MAST2: variants seen among roughly 807,000 people sequenced by gnomAD.
MAST2 encodes the protein microtubule-associated serine/threonine-protein kinase 2.
Under a neutral mutation model 147.4 loss-of-function variants are expected in MAST2, and 70 were observed. The observed-to-expected ratio is 0.47, with a 90% CI of 0.39 to 0.58. The LOEUF (loss-of-function observed/expected upper bound fraction) is 0.58. Among genes scored for constraint, MAST2 ranks in the 20% least tolerant of loss-of-function variants. The pLI, the probability that MAST2 is intolerant of heterozygous loss-of-function variation, is 0.00. For synonymous variants in MAST2, 869 were observed against 896.8 expected (o/e 0.97, Z 0.55); for missense variants, 2,080 against 2,302.3 (o/e 0.90, Z 1.98).
At chr1:45,875,711 T>G (rs1430533254) in intron 3 of MAST2, among the ~76,000 whole-genome samples, 1 of 151,158 alleles carries the variant, frequency 6.6e-6, no homozygotes, top group Non-Finnish European at 1.5e-5. Context: ...ATGTAGAGAG[T>G]GAGAGAAAGT....
At position 45,861,612 on chromosome 1, in the gene MAST2, A is replaced by G. The variant is rs60732053; in HGVS notation, c.469-20752A>G. 4.1e-3 allele frequency among the ~76,000 whole-genome samples: 628 copies of G among 151,542 alleles called. 19 individuals carry two copies. In the East Asian group the frequency reaches 0.054, roughly 13 times the overall value. ...AGAAATATTCCTTCTATCACTGTTTATGCTCTCAATCCCCTTCCTTCCTTT... is the reference window on the plus strand; with the variant it reads ...AGAAATATTCCTTCTATCACTGTTTGTGCTCTCAATCCCCTTCCTTCCTTT... On this transcript the variant is annotated intron_variant, in intron 3 of 28. Transcript: ENST00000361297.
chr1:45,950,821 A>G (rs997773084), intron 4 of MAST2, among the ~76,000 whole-genome samples: 4 of 152,210 alleles, frequency 2.6e-5, no homozygotes, highest in Non-Finnish European at 4.4e-5. Flanking sequence ...GTGGCTCACA[A>G]CTTTCATCTT....
chr1:45,854,279 G>A (rs1234348960), intron 3 of MAST2, among the ~76,000 whole-genome samples: 1 of 150,992 alleles, frequency 6.6e-6, no homozygotes, highest in Non-Finnish European at 1.5e-5. Context: ...AGAGGTTGCA[G>A]TGAGCTGAGA....
intron 4 of MAST2, among the ~76,000 whole-genome samples, chr1:45,933,063 T>TA (rs61544126): frequency 0.11 from 10,106 of 88,224 alleles, 815 homozygotes; most frequent in African/African-American, 0.22. Flanking sequence ...CCCATTTCTT[T>TA]AAAAAAAAAA....
At chr1:45,961,804 G>A (rs1362313923) in intron 5 of MAST2, among the ~76,000 whole-genome samples, 1 of 151,814 alleles carries the variant, frequency 6.6e-6, no homozygotes, top group Admixed American at 6.6e-5. Context: ...TAAGTTCTAG[G>A]GTACATGTGC....
At chr1:45,950,735 A>G (rs1001645010) in intron 4 of MAST2, among the ~76,000 whole-genome samples, 8 of 152,164 alleles carry the variant, frequency 5.3e-5, no homozygotes, top group African/African-American at 9.7e-5. Flanking sequence ...CAACCAACCA[A>G]TCTCCCCTAA....
intron 3 of MAST2, chr1:45,847,445 C>G: frequency 1.7e-6 from 1 of 577,384 alleles, no homozygotes; most frequent in Non-Finnish European, 3.2e-6. Context: ...GAAACCATTG[C>G]AGTTTTTCAC....
At chr1:45,878,006 C>T (rs149618579) in intron 3 of MAST2, among the ~76,000 whole-genome samples, 3 of 152,048 alleles carry the variant, frequency 2.0e-5, no homozygotes, top group Non-Finnish European at 4.4e-5. Flanking sequence ...GAGTTTGAGA[C>T]CAGCCTGGCT....
At chr1:45,966,679 G>C (rs1430910087) in intron 5 of MAST2, among the ~76,000 whole-genome samples, 1 of 152,038 alleles carries the variant, frequency 6.6e-6, no homozygotes, top group Non-Finnish European at 1.5e-5. Flanking sequence ...CCAAGATTGT[G>C]CCACTGCACT....
At chr1:45,823,217 TA>T (rs1233286399) in intron 1 of MAST2, among the ~76,000 whole-genome samples, 7 of 151,768 alleles carry the variant, frequency 4.6e-5, no homozygotes, top group African/African-American at 1.7e-4. Context: ...TTTTTTTTTT[TA>T]ATCTTAGAGA....
At chr1:45,989,108 C>T (rs1367239310) in intron 5 of MAST2, among the ~76,000 whole-genome samples, 4 of 152,154 alleles carry the variant, frequency 2.6e-5, no homozygotes, top group Admixed American at 2.0e-4. Context: ...ATACACATAT[C>T]TATAAATATT....
At chr1:45,917,464 C>G (rs1652737033) in intron 4 of MAST2, 1 of 1,366,598 alleles carries the variant, frequency 7.3e-7, no homozygotes, top group Admixed American at 1.9e-5. Context: ...TCTCCTCTTG[C>G]CATTTTCCTG....
intron 3 of MAST2, among the ~76,000 whole-genome samples, chr1:45,877,286 C>G (rs1339109383): frequency 1.3e-5 from 2 of 152,030 alleles, no homozygotes; most frequent in Non-Finnish European, 2.9e-5. Flanking sequence ...GAGATGGGGT[C>G]TTGCTCTGTT....
chr1:45,870,158 A>C (rs1470034330), intron 3 of MAST2, among the ~76,000 whole-genome samples: 1 of 152,152 alleles, frequency 6.6e-6, no homozygotes, highest in Non-Finnish European at 1.5e-5. Flanking sequence ...TCCTGACCTG[A>C]GGTGATCTGC....
intron 4 of MAST2, among the ~76,000 whole-genome samples, chr1:45,934,123 A>C (rs1420181726): frequency 1.3e-5 from 2 of 151,898 alleles, no homozygotes; most frequent in Non-Finnish European, 2.9e-5. Flanking sequence ...CCTTGTGTCC[A>C]TGTATATTCA....
intron 3 of MAST2, among the ~76,000 whole-genome samples, chr1:45,831,640 T>G (rs1644958936): frequency 6.6e-6 from 1 of 152,184 alleles, no homozygotes; most frequent in Admixed American, 6.5e-5. Flanking sequence ...TTTCTGTGTG[T>G]ATATATGTAT....
intron 4 of MAST2, among the ~76,000 whole-genome samples, chr1:45,883,834 A>G (rs189423580): frequency 1.4e-5 from 2 of 142,860 alleles, no homozygotes; most frequent in Non-Finnish European, 3.0e-5. Flanking sequence ...CCAAATAGGT[A>G]TGCATAACTG....
intron 5 of MAST2, among the ~76,000 whole-genome samples, chr1:45,965,333 A>C (rs1317262879): frequency 6.6e-6 from 1 of 152,132 alleles, no homozygotes; most frequent in Non-Finnish European, 1.5e-5. Context: ...AAAGTCTCCC[A>C]TTATTATTGT....
chr1:46,001,018 G>T, intron 6 of MAST2: 1 of 1,276,654 alleles, frequency 7.8e-7, no homozygotes, highest in Non-Finnish European at 1.0e-6. Flanking sequence ...CTGGGAAACT[G>T]CTATGCATGG....
Sources: gnomAD v4.1 joint callset for allele counts (sites outside exome capture counted in the v4.1 genomes callset) on GRCh38, gnomAD v4.1.1 for gene constraint, MANE v1.5 for transcripts, NCBI Gene and HGNC (gene_info 2026-07-23, HGNC 2026-07-21) for gene names.